Variants in DOCK9 observed in about 807,000 individuals in gnomAD.
DOCK9 encodes the protein dedicator of cytokinesis 9, also known as dedicator of cytokinesis protein 9.
A neutral mutation model predicts 263.3 loss-of-function variants in DOCK9; 89 were observed. The observed-to-expected ratio is 0.34, with a 90% confidence interval of 0.28 to 0.40. The LOEUF is 0.40. Among genes scored for constraint, DOCK9 ranks in the 10% least tolerant of loss-of-function variants. The pLI, the probability that DOCK9 is intolerant of heterozygous loss-of-function variation, is 1.00. For missense variants in DOCK9, 2,140 were observed against 2,603.4 expected (o/e 0.82, Z 3.87); for synonymous variants, 976 against 973.1 (o/e 1.00, Z -0.06).
intron 37 of DOCK9, chr13:98,847,519 G>T (rs1176156472): frequency 6.6e-6 from 1 of 152,100 alleles, no homozygotes; most frequent in Non-Finnish European, 1.5e-5. Context: ...TTCTAAATTT[G>T]CTTCTTTTAA....
chr13:98,931,667 G>T (rs1443327869), intron 2 of DOCK9, among the ~76,000 whole-genome samples: 1 of 151,712 alleles, frequency 6.6e-6, no homozygotes, highest in South Asian at 2.1e-4. Context: ...GCATGATCTC[G>T]GCTCACTGCA....
At chr13:98,985,826 T>TC (rs1338563641) in intron 1 of DOCK9, among the ~76,000 whole-genome samples, 1 of 152,108 alleles carries the variant, frequency 6.6e-6, no homozygotes. Flanking sequence ...CAGGGGGCTA[T>TC]CCCCCTACCC....
At chr13:98,861,087 A>T (rs1262672425) in intron 32 of DOCK9, among the ~76,000 whole-genome samples, 3 of 152,244 alleles carry the variant, frequency 2.0e-5, no homozygotes, top group African/African-American at 7.2e-5. Flanking sequence ...AGGAGGTCAC[A>T]TTCTACTCTG....
chr13:99,029,665 A>G (rs1887123259), intron 1 of DOCK9, among the ~76,000 whole-genome samples: 1 of 152,242 alleles, frequency 6.6e-6, no homozygotes, highest in Non-Finnish European at 1.5e-5. Flanking sequence ...CTAAAATTTA[A>G]AAAGACTGAC....
chr13:98,823,171 A>G (rs1402079986), intron 45 of DOCK9, among the ~76,000 whole-genome samples: 3 of 151,734 alleles, frequency 2.0e-5, no homozygotes, highest in South Asian at 2.1e-4. Context: ...TTCCATTTTT[A>G]CAACTCTCTT....
At chr13:98,955,135 T>C (rs1176189725) in intron 2 of DOCK9, among the ~76,000 whole-genome samples, 3 of 152,092 alleles carry the variant, frequency 2.0e-5, no homozygotes, top group African/African-American at 7.2e-5. Context: ...CTGGCCACCG[T>C]GGCAAAACCC....
chr13:99,031,859 C>G (rs1209731302), intron 1 of DOCK9, among the ~76,000 whole-genome samples: 1 of 152,170 alleles, frequency 6.6e-6, no homozygotes, highest in East Asian at 1.9e-4. Context: ...GGGCTGATGT[C>G]ACAGCAGCCT....
At chr13:98,843,266 T>C (rs949790878) in intron 38 of DOCK9, among the ~76,000 whole-genome samples, 9 of 152,234 alleles carry the variant, frequency 5.9e-5, no homozygotes, top group South Asian at 4.1e-4. Context: ...ACAGAAGGTA[T>C]TGTATTTGTT....
upstream of DOCK9, among the ~76,000 whole-genome samples, chr13:99,087,633 T>G (rs1250802990): frequency 1.3e-5 from 2 of 152,090 alleles, no homozygotes; most frequent in African/African-American, 4.8e-5. Context: ...TTTCTGTCTC[T>G]CTGAGGAAGC....
chr13:98,955,824 C>T (rs1487239943), intron 1 of DOCK9, among the ~76,000 whole-genome samples: 2 of 152,216 alleles, frequency 1.3e-5, no homozygotes, highest in Admixed American at 1.3e-4. Flanking sequence ...CGGGTCATCC[C>T]TGACTAGCTA....
chr13:98,921,950 G>A (rs750848255), intron 6 of DOCK9, 101 bp downstream of exon 6: 28 of 1,024,376 alleles, frequency 2.7e-5, no homozygotes, highest in South Asian at 1.4e-4. Flanking sequence ...TGTCCCTTTT[G>A]TGGGGAAGAA....
At chr13:98,934,902 C>T (rs776681840) in intron 2 of DOCK9, among the ~76,000 whole-genome samples, 2 of 152,202 alleles carry the variant, frequency 1.3e-5, no homozygotes. Flanking sequence ...TTCTTCCGGA[C>T]ACTGAGCTAG....
intron 1 of DOCK9, among the ~76,000 whole-genome samples, chr13:99,070,042 AAC>A (rs1338984530): frequency 6.6e-6 from 1 of 152,204 alleles, no homozygotes; most frequent in African/African-American, 2.4e-5. Context: ...GAACTTTATA[AAC>A]AGTCAAATGC....
chr13:98,799,896 CTT>C (rs770565193), intron 50 of DOCK9, among the ~76,000 whole-genome samples: 2 of 152,068 alleles, frequency 1.3e-5, no homozygotes, highest in Non-Finnish European at 2.9e-5. Flanking sequence ...GAGGGTAAAA[CTT>C]AAGGTACTTT....
intron 39 of DOCK9, among the ~76,000 whole-genome samples, chr13:98,834,015 T>G (rs2141018410): frequency 6.6e-6 from 1 of 152,350 alleles, no homozygotes; most frequent in East Asian, 1.9e-4. Flanking sequence ...TGGGAAATTT[T>G]CACTTAGGAA....
At chr13:99,004,950 T>C (rs1226554582) in intron 1 of DOCK9, among the ~76,000 whole-genome samples, 2 of 152,316 alleles carry the variant, frequency 1.3e-5, no homozygotes, top group East Asian at 3.9e-4. Context: ...GAATGTACTC[T>C]TCATCTATAA....
chr13:98,846,628 T>C (rs2093401013), intron 37 of DOCK9: 1 of 1,165,862 alleles, frequency 8.6e-7, no homozygotes, highest in South Asian at 1.2e-5. Context: ...CTTCCTGCTG[T>C]GTACCATCAC....
In DOCK9 at chr13:98,831,636, T is replaced by C. The variant is rs879032123; in HGVS notation, c.4452+13A>G. 8.7e-6 allele frequency: 14 copies of C among 1,611,284 alleles called. No homozygotes were observed. Among genetic ancestry groups the C allele is most frequent in the African/African-American group, 2.7e-5 (2 of 74,782 alleles). On this transcript the variant is annotated intron_variant, in intron 40 of 52. Transcript: ENST00000682017. ...AAGGAAAACATCTAACCACTGCCCA[T>C]GAAGCAACTTACCTTATAAATTAAG...
chr13:98,876,800 C>T (rs2043929324), intron 27 of DOCK9, among the ~76,000 whole-genome samples: 2 of 145,068 alleles, frequency 1.4e-5, no homozygotes, highest in South Asian at 4.2e-4. Context: ...GTCTGCAGGG[C>T]CAGGGAAGCA....
Sources: gnomAD v4.1 joint callset for allele counts (sites outside exome capture counted in the v4.1 genomes callset) on GRCh38, gnomAD v4.1.1 for gene constraint, MANE v1.5 for transcripts, NCBI Gene and HGNC (gene_info 2026-07-23, HGNC 2026-07-21) for gene names.